The following MYO16 variants were observed in gnomAD, a reference collection of about 807,000 sequenced individuals.
MYO16 encodes myosin XVI.
Under a neutral mutation model 205.3 loss-of-function variants are expected in MYO16, and 94 were observed. That is an observed-to-expected ratio of 0.46 (90% CI 0.39 to 0.54). The LOEUF is 0.54. Ranked by LOEUF, MYO16 falls within the 20% of genes least tolerant of loss-of-function variation. The probability of loss-of-function intolerance (pLI) is 0.00; values close to 1 mark genes in which losing one functional copy is unlikely to be tolerated. For synonymous variants in MYO16, 988 were observed against 954.0 expected, an observed-to-expected ratio of 1.04 and a Z score of -0.66; for missense variants, 2,315 against 2,387.5, an observed-to-expected ratio of 0.97 and a Z score of 0.63.
chr13:108,823,243 G>C lies in MYO16; in HGVS notation c.1062G>C (p.Glu354Asp). Residue 354 changes from glutamate to aspartate, a missense_variant, in exon 9 of 35, where the codon GAG (glutamate) becomes GAC (aspartate). By Grantham distance (45) the Glu-to-Asp change is conservative (BLOSUM62 2). Coordinates refer to ENST00000457511, the MANE Select transcript of MYO16 (RefSeq NM_001198950.3). ...STLAQEEPYE[E>D]IIHDLPVLSS... is the part of the protein sequence containing the mutation. ...TAGCTCAAGAAGAGCCCTATGAAGA[G>C]ATCATTCACGATCTTCCCGTACTGT... 1 of 1,611,930 alleles carries C rather than the reference G, an allele frequency of 6.2e-7. No individual in the cohort carries two copies. The highest frequency in any genetic ancestry group is 8.5e-7 in the Non-Finnish European group (1 of 1,178,818).
chr13:108,730,605 C>A (rs1884489443), intron 4 of MYO16, among the ~76,000 whole-genome samples: 1 of 152,168 alleles, frequency 6.6e-6, no homozygotes, highest in Non-Finnish European at 1.5e-5. Context: ...GCAAGTTATT[C>A]AGACCTTTCC....
chr13:108,736,518 C>A (rs1181839070), intron 4 of MYO16, among the ~76,000 whole-genome samples: 2 of 152,260 alleles, frequency 1.3e-5, no homozygotes, highest in East Asian at 1.9e-4. Context: ...GTTTTGGTAC[C>A]AGTACCATGC....
At chr13:108,596,851 T>G (rs1231952046) in intron 1 of MYO16, among the ~76,000 whole-genome samples, 1 of 152,200 alleles carries the variant, frequency 6.6e-6, no homozygotes, top group African/African-American at 2.4e-5. Flanking sequence ...ATCACTACCA[T>G]TTGATAGAAG....
At chr13:108,580,048 C>T in the MYO16 span, among the ~76,000 whole-genome samples, 1 of 151,790 alleles carries the variant, frequency 6.6e-6, no homozygotes, top group Non-Finnish European at 1.5e-5. Flanking sequence ...TAATATAATT[C>T]AAATACGTAA....
At chr13:108,932,416 C>T (rs1882296919) in intron 16 of MYO16, among the ~76,000 whole-genome samples, 1 of 152,130 alleles carries the variant, frequency 6.6e-6, no homozygotes, top group Admixed American at 6.5e-5. Flanking sequence ...CTGAGAAGGT[C>T]TTGTGTGGCC....
intron 5 of MYO16, among the ~76,000 whole-genome samples, chr13:108,791,361 A>G (rs1017638446): frequency 6.6e-6 from 1 of 152,252 alleles, no homozygotes; most frequent in Admixed American, 6.5e-5. Flanking sequence ...ATAATAGTAT[A>G]TGACACACCT....
rs549435949 is a variant in MYO16, at chr13:108,855,647, C to T, written c.1359+94C>T. On this transcript the variant is annotated intron_variant, in intron 11 of 34. Transcript: ENST00000457511. ...CTTCAAATGTTGCAAGTAAAGGGCT[C>T]ATTGGAGCTTCTGGTAGTGGTGATA... The T allele has an allele frequency of 3.7e-6, 3 of 805,140 alleles. No homozygotes were observed. The African/African-American group carries it at 5.1e-5, about 14-fold the overall frequency. The allele number at this position is 805,140 out of a possible 1,614,324, so 49.9% of individuals were successfully genotyped here.
chr13:108,579,649 C>T, the MYO16 span, among the ~76,000 whole-genome samples: 1 of 152,114 alleles, frequency 6.6e-6, no homozygotes. Flanking sequence ...CCATGTTGGC[C>T]AGGCTGGTCT....
intron 2 of MYO16, among the ~76,000 whole-genome samples, chr13:108,710,164 G>A (rs181068592): frequency 5.7e-4 from 87 of 152,266 alleles, no homozygotes; most frequent in Non-Finnish European, 1.0e-3. Context: ...TCTGAAAGCT[G>A]ACTGGTAAAA....
intron 12 of MYO16, among the ~76,000 whole-genome samples, chr13:108,868,535 C>T (rs1440212860): frequency 6.6e-6 from 1 of 152,126 alleles, no homozygotes; most frequent in Non-Finnish European, 1.5e-5. Context: ...ATTCTGGATT[C>T]TCAATGCATA....
chr13:109,201,245 C>T (rs899840325), intron 34 of MYO16, among the ~76,000 whole-genome samples: 12 of 152,060 alleles, frequency 7.9e-5, no homozygotes, highest in Non-Finnish European at 1.6e-4. Context: ...CTCATTGCTT[C>T]CTAACAGATT....
chr13:108,903,286 G>A (rs1880796940), intron 15 of MYO16, among the ~76,000 whole-genome samples: 1 of 152,170 alleles, frequency 6.6e-6, no homozygotes, highest in African/African-American at 2.4e-5. Context: ...ATTAGTTGCT[G>A]TGTTAATTTC....
At chr13:108,916,406 G>C (rs149428453) in intron 16 of MYO16, among the ~76,000 whole-genome samples, 2 of 152,316 alleles carry the variant, frequency 1.3e-5, no homozygotes, top group East Asian at 3.9e-4. Context: ...CCACAACAAT[G>C]CTGCCTACAA....
At chr13:108,975,674 T>G (rs566943519) in intron 20 of MYO16, among the ~76,000 whole-genome samples, 26 of 152,306 alleles carry the variant, frequency 1.7e-4, no homozygotes, top group African/African-American at 6.0e-4. Flanking sequence ...GGCTTGCCAT[T>G]ATTCTCTCTA....
chr13:108,858,823 G>T (rs545680340), intron 11 of MYO16, among the ~76,000 whole-genome samples: 2 of 152,102 alleles, frequency 1.3e-5, no homozygotes, highest in African/African-American at 2.4e-5. Context: ...AAGCCGCAAC[G>T]CTTTCCCCCT....
chr13:108,685,671 A>G (rs1474557542), intron 2 of MYO16, among the ~76,000 whole-genome samples: 6 of 152,300 alleles, frequency 3.9e-5, no homozygotes, highest in Admixed American at 6.5e-5. Flanking sequence ...CCAGACTGCT[A>G]TCACAAAATA....
chr13:108,799,409 G>A (rs537001679), intron 6 of MYO16, among the ~76,000 whole-genome samples: 5 of 152,278 alleles, frequency 3.3e-5, no homozygotes, highest in African/African-American at 1.2e-4. Context: ...GATATATAAT[G>A]CATGTGCTTC....
At chr13:108,907,937 A>C (rs1263737398) in intron 15 of MYO16, among the ~76,000 whole-genome samples, 1 of 152,226 alleles carries the variant, frequency 6.6e-6, no homozygotes, top group East Asian at 1.9e-4. Flanking sequence ...GCTAGAAAAA[A>C]TGGAAGATAA....
At chr13:108,836,642 A>G (rs1207616087) in intron 9 of MYO16, among the ~76,000 whole-genome samples, 2 of 152,220 alleles carry the variant, frequency 1.3e-5, no homozygotes, top group African/African-American at 4.8e-5. Flanking sequence ...GAGCTACCCA[A>G]GGCCATGGGA....
Sources: allele counts gnomAD v4.1 joint callset (sites outside exome capture counted in the v4.1 genomes callset), GRCh38; gene constraint gnomAD v4.1.1; transcripts MANE v1.5; gene names NCBI Gene and HGNC (gene_info 2026-07-23, HGNC 2026-07-21).